ABR: variants seen among roughly 807,000 people sequenced by gnomAD.
The protein encoded by ABR is active breakpoint cluster region-related protein.
In ABR, 35 loss-of-function variants were observed where a neutral mutation model predicts 107.2. The observed-to-expected ratio is 0.33, with a 90% CI of 0.25 to 0.43. The LOEUF (loss-of-function observed/expected upper bound fraction) is 0.43. Ranked by LOEUF, ABR falls within the 20% of genes least tolerant of loss-of-function variation. The pLI, the probability that ABR is intolerant of heterozygous loss-of-function variation, is 1.00. For missense variants in ABR, 815 were observed against 1,115.2 expected (o/e 0.73, Z 3.83); for synonymous variants, 498 against 462.0 (o/e 1.08, Z -1.00).
chr17:1,009,725 C>G lies in ABR; in HGVS notation c.2296G>C (p.Asp766His). Residue 766 changes from aspartate (D) to histidine (H), a missense_variant, in exon 21 of 23, where the codon GAC (aspartate) becomes CAC (histidine). By Grantham distance (81) the Asp-to-His change is moderately conservative. Around this residue, in one of 5 missense-constraint regions of ABR, gnomAD observed 175 missense variants for 284.3 expected, o/e 0.62. Transcript: ENST00000302538. ...CMMHLLRSLP[D>H]PNLITFLFLL... is the part of the protein sequence containing the mutation. ...AAGAGGAAGGTGATGAGGTTGGGGTCGGGCAGGGAGCGGAGCAGGTGCATC... is the reference window on the plus strand; with the variant it reads ...AAGAGGAAGGTGATGAGGTTGGGGTGGGGCAGGGAGCGGAGCAGGTGCATC... 1.2e-6 allele frequency: 2 copies of G among 1,614,130 alleles called. No individual in the cohort carries two copies. The highest frequency in any genetic ancestry group is 1.7e-6 in the Non-Finnish European group (2 of 1,180,008).
chr17:1,226,718 T>C (rs77437778), intron 1 of ABR, among the ~76,000 whole-genome samples: 2 of 47,700 alleles, frequency 4.2e-5, no homozygotes, highest in Non-Finnish European at 1.1e-4. Context: ...TGCATGCATG[T>C]ATGTGGCAGT....
chr17:1,175,373 C>A (rs1193802352), intron 1 of ABR, among the ~76,000 whole-genome samples: 1 of 152,326 alleles, frequency 6.6e-6, no homozygotes, highest in East Asian at 1.9e-4. Flanking sequence ...GATCGCACCG[C>A]CGCACTCCAG....
chr17:1,125,282 G>A lies in ABR; in HGVS notation c.147C>T (p.Tyr49=), dbSNP rs779445491. ...GPPEGSETMP[Y]IDESPTMSPQ... ...GGGACATGGTGGGCGACTCATCGATGTACGGCATGGTCTCTGAGCCCTCCG... is the reference window on the plus strand; with the variant it reads ...GGGACATGGTGGGCGACTCATCGATATACGGCATGGTCTCTGAGCCCTCCG... The change falls in exon 2 of 23, where the codon TAC becomes TAT. Residue 49 remains tyrosine, a synonymous_variant. Transcript: ENST00000302538. 3.2e-5 allele frequency: 51 copies of A among 1,613,752 alleles called. No individual in the cohort carries two copies. Among genetic ancestry groups the A allele is most frequent in the Non-Finnish European group, 4.1e-5 (48 of 1,179,908 alleles).
At chr17:1,016,849 T>A (rs2071205370) in intron 16 of ABR, among the ~76,000 whole-genome samples, 1 of 152,108 alleles carries the variant, frequency 6.6e-6, no homozygotes, top group Admixed American at 6.5e-5. Flanking sequence ...CTCTGTGCAC[T>A]CTGAGGTGTG....
chr17:1,130,039 G>A (rs368678266), intron 1 of ABR, among the ~76,000 whole-genome samples: 7 of 152,216 alleles, frequency 4.6e-5, no homozygotes, highest in Admixed American at 2.6e-4. Context: ...TAAAGCAAGC[G>A]CATAAAAATC....
chr17:1,181,434 C>T (rs115854410), upstream of ABR, among the ~76,000 whole-genome samples: 2 of 152,090 alleles, frequency 1.3e-5, no homozygotes, highest in African/African-American at 4.8e-5. Context: ...ATTATTAGCC[C>T]GTCCCTGCGT....
chr17:1,075,495 G>C (rs1196165100), intron 6 of ABR, among the ~76,000 whole-genome samples: 1 of 152,238 alleles, frequency 6.6e-6, no homozygotes, highest in Non-Finnish European at 1.5e-5. Flanking sequence ...TGGCTGTGAA[G>C]AAAATGCAGC....
chr17:1,152,793 C>CA (rs1198479546), intron 1 of ABR, among the ~76,000 whole-genome samples: 1 of 150,924 alleles, frequency 6.6e-6, no homozygotes, highest in African/African-American at 2.4e-5. Context: ...ACGTGGTTAA[C>CA]AAAAAAAATT....
intron 1 of ABR, among the ~76,000 whole-genome samples, chr17:1,152,742 C>G (rs149133191): frequency 7.9e-5 from 12 of 152,128 alleles, no homozygotes; most frequent in African/African-American, 2.4e-4. Context: ...ACTGGCTTGG[C>G]CAAGCGCTCT....
rs181117702 is a variant in ABR, at chr17:1,150,027, T to C, written c.62-24660A>G. Among the ~76,000 whole-genome samples, 454 of 152,226 alleles carry C rather than the reference T, an allele frequency of 3.0e-3. 1 individual carries two copies. The highest frequency in any genetic ancestry group is 0.024 in the Middle Eastern group (7 of 294). On this transcript the variant is annotated intron_variant, in intron 1 of 22. Coordinates refer to ENST00000302538, the MANE Select transcript of ABR (RefSeq NM_021962.5). The surrounding 1 kb of genome is among the most constrained non-coding windows in gnomAD (Gnocchi z 4.8). ...CACGTGGTATAACGTTAGTGGCTGT[T>C]ATTGTCGTCACTGACGTTGTCACTG... is the stretch of plus-strand genomic sequence containing the variant.
At chr17:1,161,003 C>T (rs2041269421) in intron 1 of ABR, among the ~76,000 whole-genome samples, 1 of 152,156 alleles carries the variant, frequency 6.6e-6, no homozygotes, top group South Asian at 2.1e-4. Flanking sequence ...GCAGGTGTCG[C>T]TGGACCGCCC....
intron 1 of ABR, among the ~76,000 whole-genome samples, chr17:1,152,299 A>T (rs1194963623): frequency 1.5e-5 from 2 of 135,196 alleles, no homozygotes; most frequent in Admixed American, 7.4e-5. Flanking sequence ...AAAAAAAAAA[A>T]GACAGGACAG....
chr17:1,120,121 G>A (rs1307781127), intron 2 of ABR, among the ~76,000 whole-genome samples: 1 of 152,096 alleles, frequency 6.6e-6, no homozygotes, highest in East Asian at 1.9e-4. Flanking sequence ...ATGTGGAGAT[G>A]GTTATAGCAC....
chr17:1,057,684 T>A (rs1175155817), intron 12 of ABR, among the ~76,000 whole-genome samples: 1 of 125,674 alleles, frequency 8.0e-6, no homozygotes, highest in Non-Finnish European at 1.7e-5. Context: ...TGTGTGTGTG[T>A]CTCTGTGTGT....
chr17:1,093,892 C>T (rs1335501909), intron 3 of ABR, among the ~76,000 whole-genome samples: 2 of 152,228 alleles, frequency 1.3e-5, no homozygotes, highest in African/African-American at 4.8e-5. Context: ...CTCCTTCATC[C>T]TCCGAGCTCT....
intron 1 of ABR, among the ~76,000 whole-genome samples, chr17:1,130,789 A>G (rs12948206): frequency 0.55 from 84,051 of 152,096 alleles, 23,515 homozygotes; most frequent in East Asian, 0.66. Context: ...CACAGACAGA[A>G]GAGAAGACAG....
Position 1,148,273 on chromosome 17 carries a change from A to C in ABR, c.62-22906T>G, listed in dbSNP as rs1020144453. On this transcript the variant is annotated intron_variant, in intron 1 of 22. Transcript: ENST00000302538. The surrounding 1 kb of genome is among the most constrained non-coding windows in gnomAD (Gnocchi z 4.9). ...GATATTATTCGGCTTATATTCCGAC[A>C]CAGGCCAATTCTGACATCGATGAAC... 6.6e-6 allele frequency among the ~76,000 whole-genome samples: 1 copy of C among 152,242 alleles called. No individual in the cohort carries two copies. The highest frequency in any genetic ancestry group is 2.4e-5 in the African/African-American group (1 of 41,468).
chr17:1,031,552 C>A (rs1188039735), intron 16 of ABR: 11 of 745,112 alleles, frequency 1.5e-5, no homozygotes, highest in Middle Eastern at 4.7e-4. Context: ...AGCCCCGCAG[C>A]GCCCCCGAGC....
intron 1 of ABR, among the ~76,000 whole-genome samples, chr17:1,127,948 C>A (rs559620979): frequency 6.6e-6 from 1 of 152,306 alleles, no homozygotes; most frequent in African/African-American, 2.4e-5. Context: ...ATACAATTGC[C>A]GAAGATCACA....
Sources: allele counts gnomAD v4.1 joint callset (sites outside exome capture counted in the v4.1 genomes callset), GRCh38; gene constraint gnomAD v4.1.1; regional missense constraint gnomAD v4.1.1; non-coding constraint Gnocchi (gnomAD v3.1); transcripts MANE v1.5; gene names NCBI Gene and HGNC (gene_info 2026-07-23, HGNC 2026-07-21).